The following CNTNAP3 variants were observed in gnomAD, a reference collection of about 807,000 sequenced individuals.
The protein encoded by CNTNAP3 is contactin associated protein family member 3, also known as contactin-associated protein-like 3.
A neutral mutation model predicts 92.1 loss-of-function variants in CNTNAP3; 36 were observed. The ratio of observed to expected loss-of-function variants is 0.39; its 90% CI spans 0.30 to 0.52. CNTNAP3 has a LOEUF of 0.52. Among genes scored for constraint, CNTNAP3 ranks in the 20% least tolerant of loss-of-function variants. The pLI is 0.76. For missense variants in CNTNAP3, 534 were observed against 1,069.6 expected (o/e 0.50, Z 6.98); for synonymous variants, 232 against 422.3 (o/e 0.55, Z 5.53).
At chr9:39,121,135 GA>G (rs563462864) in intron 13 of CNTNAP3, among the ~76,000 whole-genome samples, 1 of 150,888 alleles carries the variant, frequency 6.6e-6, no homozygotes, top group Admixed American at 6.6e-5. Flanking sequence ...AGAATCAACT[GA>G]AAAAAAATAA....
chr9:39,148,397 G>A (rs1360032864), intron 10 of CNTNAP3, among the ~76,000 whole-genome samples: 1 of 152,070 alleles, frequency 6.6e-6, no homozygotes, highest in Non-Finnish European at 1.5e-5. Context: ...CACTAACTAT[G>A]AGTTATAAAT....
chr9:39,073,745 C>G lies in CNTNAP3; in HGVS notation c.*145G>C, dbSNP rs1453681726. 1.3e-6 allele frequency: 2 copies of G among 1,578,516 alleles called. No individual in the cohort carries two copies. Among genetic ancestry groups the G allele is most frequent in the African/African-American group, 1.3e-5 (1 of 74,436 alleles). On this transcript the variant is annotated 3_prime_UTR_variant, in exon 24 of 24. Transcript: ENST00000297668. ...TCTTCAGCCAGGTGACAGCACTGCACCTGCTTGTGTGCACCCTGATGGCAA... is the reference window on the plus strand; with the variant it reads ...TCTTCAGCCAGGTGACAGCACTGCAGCTGCTTGTGTGCACCCTGATGGCAA...
chr9:39,145,463 G>GT (rs1821676674), intron 10 of CNTNAP3, among the ~76,000 whole-genome samples: 1 of 143,902 alleles, frequency 6.9e-6, no homozygotes, highest in South Asian at 2.2e-4. Context: ...GGGCCGGGAG[G>GT]TTGTGACAGG....
intron 15 of CNTNAP3, among the ~76,000 whole-genome samples, chr9:39,108,897 T>C (rs1826671959): frequency 6.6e-6 from 1 of 151,918 alleles, no homozygotes; most frequent in South Asian, 2.1e-4. Flanking sequence ...CTGGAAAAAA[T>C]ACAATCAATT....
Position 39,228,544 on chromosome 9 carries a change from C to CTT in CNTNAP3, c.390+10447_390+10448dup, listed in dbSNP as rs1166589488. ...TATTAAAAACTGTGAGCCGTTGAAT[C>CTT]TTTTTTTTTTTTTTTTGAGACAGAG... On this transcript the variant is annotated intron_variant, in intron 3 of 23. Coordinates refer to ENST00000297668, the MANE Select transcript of CNTNAP3 (RefSeq NM_033655.5). Among the ~76,000 whole-genome samples the CTT allele has an allele frequency of 6.1e-3, 19 of 3,124 alleles. 4 individuals carry two copies. Among genetic ancestry groups the CTT allele is most frequent in the Admixed American group, 0.017 (2 of 116 alleles). The allele number at this position is 3,124 out of a possible 152,430, so 2.0% of individuals were successfully genotyped here. A position where few individuals can be genotyped will look rare whatever the true frequency, so the allele number is the denominator to read the frequency against.
At chr9:39,287,924 A>C in intron 1 of CNTNAP3, 56 bp downstream of exon 1, 1 of 300,436 alleles carries the variant, frequency 3.3e-6, no homozygotes, top group Non-Finnish European at 5.7e-6. Context: ...TAAAAAAAAA[A>C]AAACAAAGTT....
At chr9:39,142,723 C>T (rs534668748) in intron 11 of CNTNAP3, among the ~76,000 whole-genome samples, 19 of 151,838 alleles carry the variant, frequency 1.3e-4, no homozygotes, top group African/African-American at 4.1e-4. Context: ...AGGGACCCTT[C>T]TAGTACAAAA....
intron 15 of CNTNAP3, among the ~76,000 whole-genome samples, chr9:39,108,685 C>T (rs1175953985): frequency 1.3e-5 from 2 of 152,082 alleles, no homozygotes; most frequent in African/African-American, 4.8e-5. Flanking sequence ...GAGGACTTGA[C>T]CATGAAAGCC....
At chr9:39,090,292 G>A in intron 18 of CNTNAP3, among the ~76,000 whole-genome samples, 1 of 152,110 alleles carries the variant, frequency 6.6e-6, no homozygotes, top group Non-Finnish European at 1.5e-5. Context: ...ACCCTTATAA[G>A]AGACATGATT....
Position 39,162,018 on chromosome 9 carries a change from T to C in CNTNAP3, c.1477+3915A>G, listed in dbSNP as rs1359589206. The stretch of plus-strand genomic sequence containing the variant: ...AAATGGGACCTAATTAAACTAAAGG[T>C]TTCTGCACAGCAAAAGAAACTATCC... On this transcript the variant is annotated intron_variant, in intron 9 of 23. Coordinates refer to ENST00000297668, the MANE Select transcript of CNTNAP3 (RefSeq NM_033655.5). Among the ~76,000 whole-genome samples the C allele has an allele frequency of 1.7e-5, 2 of 115,708 alleles. 1 individual carries two copies. The highest frequency in any genetic ancestry group is 1.1e-4 in the African/African-American group (2 of 18,256). The allele number at this position is 115,708 out of a possible 152,430, so 75.9% of individuals were successfully genotyped here. A position where few individuals can be genotyped will look rare whatever the true frequency, so the allele number is the denominator to read the frequency against.
intron 18 of CNTNAP3, among the ~76,000 whole-genome samples, chr9:39,099,400 T>A (rs896276439): frequency 3.9e-5 from 6 of 152,184 alleles, no homozygotes; most frequent in African/African-American, 1.4e-4. Flanking sequence ...TTTCCCCTTC[T>A]AGTTAGTATG....
chr9:39,104,455 CT>C (rs1826546257), intron 15 of CNTNAP3, among the ~76,000 whole-genome samples: 1 of 148,946 alleles, frequency 6.7e-6, no homozygotes, highest in Admixed American at 6.8e-5. Context: ...CAGACTCTTG[CT>C]TTCCTTCCTG....
At chr9:39,168,219 G>GT (rs1170280097) in intron 8 of CNTNAP3, among the ~76,000 whole-genome samples, 1 of 146,656 alleles carries the variant, frequency 6.8e-6, no homozygotes, top group Non-Finnish European at 1.5e-5. Context: ...GGGTTTCACC[G>GT]TGTTAGCCAG....
intron 14 of CNTNAP3, among the ~76,000 whole-genome samples, chr9:39,113,691 AAT>A: frequency 6.6e-6 from 1 of 152,194 alleles, no homozygotes; most frequent in South Asian, 2.1e-4. Flanking sequence ...TACAGTTAAG[AAT>A]ATAGTTTCCA....
At chr9:39,078,991 T>C (rs1825864173) in intron 21 of CNTNAP3, 71 bp from the exon 22 acceptor site, 1 of 1,468,746 alleles carries the variant, frequency 6.8e-7, no homozygotes, top group Admixed American at 2.0e-5. Flanking sequence ...ACCCCGCATC[T>C]GCAAGACAGC....
chr9:39,069,574 T>C lies in CNTNAP3; in HGVS notation c.*4316A>G, dbSNP rs1825593964. 5.7e-5 allele frequency among the ~76,000 whole-genome samples: 6 copies of C among 105,142 alleles called. No homozygotes were observed. Among genetic ancestry groups the C allele is most frequent in the African/African-American group, 2.4e-4 (6 of 24,842 alleles). The allele number at this position is 105,142 out of a possible 152,430, so 69.0% of individuals were successfully genotyped here. On this transcript the variant is annotated 3_prime_UTR_variant, in exon 24 of 24. Coordinates refer to ENST00000297668, the MANE Select transcript of CNTNAP3 (RefSeq NM_033655.5). ...AAAAATATAATTTTAGGTCATAACCTATAGGCAATAAACTATGTTATCATT... is the reference window on the plus strand; with the variant it reads ...AAAAATATAATTTTAGGTCATAACCCATAGGCAATAAACTATGTTATCATT...
chr9:39,095,715 C>T (rs1826310061), intron 18 of CNTNAP3, among the ~76,000 whole-genome samples: 1 of 142,474 alleles, frequency 7.0e-6, no homozygotes, highest in East Asian at 2.2e-4. Flanking sequence ...ATATATTTCA[C>T]GACAATGTTT....
chr9:39,068,708 TCAGCAA>T lies in CNTNAP3; in HGVS notation c.*5176_*5181del, dbSNP rs1325283321. Among the ~76,000 whole-genome samples, 2 of 152,244 alleles carry T rather than the reference TCAGCAA, an allele frequency of 1.3e-5. No homozygotes were observed. The highest frequency in any genetic ancestry group is 4.8e-5 in the African/African-American group (2 of 41,420). ...TAGCCACCTTCGTGTACCTGAACTCTCAGCAACAGCTACTCCATTCAGAGACTTGCT... is the reference window on the plus strand; with the variant it reads ...TAGCCACCTTCGTGTACCTGAACTCTCAGCTACTCCATTCAGAGACTTGCT... On this transcript the variant is annotated 3_prime_UTR_variant, in exon 24 of 24. Coordinates refer to ENST00000297668, the MANE Select transcript of CNTNAP3 (RefSeq NM_033655.5).
At chr9:39,141,237 T>C (rs1360921188) in intron 11 of CNTNAP3, among the ~76,000 whole-genome samples, 1 of 152,208 alleles carries the variant, frequency 6.6e-6, no homozygotes, top group Non-Finnish European at 1.5e-5. Flanking sequence ...TCATTCACCC[T>C]GTAATAACTG....
Sources: gnomAD v4.1 joint callset for allele counts (sites outside exome capture counted in the v4.1 genomes callset) on GRCh38, gnomAD v4.1.1 for gene constraint, MANE v1.5 for transcripts, NCBI Gene and HGNC (gene_info 2026-07-23, HGNC 2026-07-21) for gene names.